The following GTF3C6 variants were observed in gnomAD, a reference collection of about 807,000 sequenced individuals.
The protein encoded by GTF3C6 is general transcription factor IIIC subunit 6, also known as general transcription factor 3C polypeptide 6.
Under a neutral mutation model 19.2 loss-of-function variants are expected in GTF3C6, and 11 were observed. The observed-to-expected ratio is 0.57, with a 90% CI of 0.36 to 0.95. GTF3C6 has a LOEUF of 0.95. Among genes scored for constraint, GTF3C6 ranks in the 40% least tolerant of loss-of-function variants. GTF3C6 has a pLI of 0.01. For synonymous variants in GTF3C6, 87 were observed against 84.2 expected, an observed-to-expected ratio of 1.03 and a Z score of -0.18; for missense variants, 222 against 254.7, an observed-to-expected ratio of 0.87 and a Z score of 0.87.
intron 4 of GTF3C6, 99 bp downstream of exon 4, chr6:110,960,715 T>A (rs1771149419): frequency 2.1e-6 from 2 of 963,366 alleles, no homozygotes; most frequent in Non-Finnish European, 3.3e-6. Context: ...CTGTATCATA[T>A]CCTATCATTT....
chr6:110,960,219 C>G (rs1446895164), intron 2 of GTF3C6, among the ~76,000 whole-genome samples, 195 bp from the exon 3 acceptor site: 1 of 152,152 alleles, frequency 6.6e-6, no homozygotes, highest in Non-Finnish European at 1.5e-5. Flanking sequence ...AACCTTGTTA[C>G]TTGAGTATGA....
At chr6:110,962,261 C>T (rs1317108946) in intron 4 of GTF3C6, 131 bp from the exon 5 acceptor site, 3 of 603,364 alleles carry the variant, frequency 5.0e-6, no homozygotes, top group Non-Finnish European at 9.1e-6. Context: ...ATGAGTTATA[C>T]CTTGAATTTA....
intron 5 of GTF3C6, 65 bp from the exon 6 acceptor site, chr6:110,967,441 TAAAG>T (rs931010866): frequency 6.2e-5 from 86 of 1,397,648 alleles, no homozygotes; most frequent in Non-Finnish European, 7.8e-5. Context: ...AAATTTAAAT[TAAAG>T]AAAAATATAC....
intron 5 of GTF3C6, among the ~76,000 whole-genome samples, chr6:110,964,101 G>T (rs1771197942): frequency 6.6e-6 from 1 of 151,918 alleles, no homozygotes; most frequent in Non-Finnish European, 1.5e-5. Flanking sequence ...TTGAGACAGG[G>T]TCTCACCCTG....
chr6:110,967,432 A>C (rs1771243299), intron 5 of GTF3C6, 78 bp from the exon 6 acceptor site: 1 of 1,308,988 alleles, frequency 7.6e-7, no homozygotes, highest in African/African-American at 1.5e-5. Flanking sequence ...ATAGGATAGA[A>C]ATTTAAATTA....
rs759536601 is a variant in GTF3C6, at chr6:110,959,154, C to A, written c.58-18C>A. ...GCCGCTCGCGTGCTAGCATGTTAAC[C>A]CCTCTTTCTTTCACCAGGAGCAGTT... is the stretch of plus-strand genomic sequence containing the variant. On this transcript the variant is annotated intron_variant, in intron 1 of 5. Coordinates refer to ENST00000329970, the MANE Select transcript of GTF3C6 (RefSeq NM_138408.4). 5 of 1,568,568 alleles carry A rather than the reference C, an allele frequency of 3.2e-6. No homozygotes were observed. In the Admixed American group the frequency reaches 8.4e-5, roughly 26 times the overall value.
intron 5 of GTF3C6, among the ~76,000 whole-genome samples, chr6:110,962,722 G>A (rs1771176442): frequency 6.6e-6 from 1 of 151,098 alleles, no homozygotes; most frequent in African/African-American, 2.4e-5. Context: ...CTTTCCCCAG[G>A]CTCCTGAGCA....
chr6:110,967,043 C>T (rs1222393251), intron 5 of GTF3C6, among the ~76,000 whole-genome samples: 1 of 151,988 alleles, frequency 6.6e-6, no homozygotes, highest in Admixed American at 6.6e-5. Context: ...ATCCCAGCTA[C>T]TCGGGGGGCT....
intron 1 of GTF3C6, 111 bp downstream of exon 1, chr6:110,958,937 C>T (rs866434745): frequency 8.9e-5 from 111 of 1,246,414 alleles, no homozygotes; most frequent in Middle Eastern, 6.7e-4. Flanking sequence ...CCCCACTGCT[C>T]CTCACCGGCT....
intron 1 of GTF3C6, 152 bp downstream of exon 1, chr6:110,958,978 C>T (rs1423591204): frequency 3.2e-6 from 3 of 941,824 alleles, no homozygotes; most frequent in Non-Finnish European, 4.9e-6. Flanking sequence ...AGCCGGGCAG[C>T]TTGGGACCTT....
At chr6:110,967,471 G>C (rs763301022) in intron 5 of GTF3C6, 39 bp from the exon 6 acceptor site, 1 of 1,533,594 alleles carries the variant, frequency 6.5e-7, no homozygotes, top group East Asian at 2.3e-5. Context: ...TTCATTTTTT[G>C]TTTCTTTTTT....
At chr6:110,964,023 G>A (rs576704154) in intron 5 of GTF3C6, among the ~76,000 whole-genome samples, 48 of 152,070 alleles carry the variant, frequency 3.2e-4, no homozygotes, top group African/African-American at 4.8e-4. Context: ...TTAAATGTGG[G>A]GGAGACTGTA....
At chr6:110,965,133 C>CTTT (rs57625165) in intron 5 of GTF3C6, among the ~76,000 whole-genome samples, 2 of 126,128 alleles carry the variant, frequency 1.6e-5, no homozygotes, top group Non-Finnish European at 1.6e-5. Context: ...CGCACCCAAC[C>CTTT]TTTTTTTTTT....
At chr6:110,959,354 A>G in intron 2 of GTF3C6, 102 bp downstream of exon 2, 1 of 740,570 alleles carries the variant, frequency 1.4e-6, no homozygotes, top group East Asian at 2.5e-5. Context: ...TATTTATTTC[A>G]CCTTACAAAG....
intron 5 of GTF3C6, among the ~76,000 whole-genome samples, chr6:110,965,564 A>G (rs1771219803): frequency 6.6e-6 from 1 of 152,164 alleles, no homozygotes; most frequent in African/African-American, 2.4e-5. Flanking sequence ...TCCCTGAACT[A>G]TCCCCTTTTT....
intron 4 of GTF3C6, among the ~76,000 whole-genome samples, chr6:110,962,039 A>G (rs190330828): frequency 2.4e-4 from 37 of 152,094 alleles, no homozygotes; most frequent in African/African-American, 8.9e-4. Flanking sequence ...AGTAGCTGGG[A>G]TTACAGGCGT....
At chr6:110,960,382 T>C (rs199578949) in intron 2 of GTF3C6, 32 bp from the exon 3 acceptor site, 1 of 885,318 alleles carries the variant, frequency 1.1e-6, no homozygotes, top group Non-Finnish European at 1.4e-6. Flanking sequence ...TCTAATTATG[T>C]TTTTTTTTTA....
At chr6:110,966,005 A>G (rs1193584391) in intron 5 of GTF3C6, among the ~76,000 whole-genome samples, 2 of 152,222 alleles carry the variant, frequency 1.3e-5, no homozygotes, top group Admixed American at 6.5e-5. Flanking sequence ...TGGCTTATTC[A>G]TATGGCTTGT....
In GTF3C6 at chr6:110,965,133, CTT is replaced by C. The variant is rs57625165; in HGVS notation, c.362-2356_362-2355del. ...ACAGGTGTGCACCACCGCACCCAAC[CTT>C]TTTTTTTTTTTTTTTTTTTTAAATA... On this transcript the variant is annotated intron_variant, in intron 5 of 5. Coordinates refer to ENST00000329970, the MANE Select transcript of GTF3C6 (RefSeq NM_138408.4). Among the ~76,000 whole-genome samples, 623 of 126,088 alleles carry C rather than the reference CTT, an allele frequency of 4.9e-3. 8 individuals are homozygous for C. Among genetic ancestry groups the C allele is most frequent in the African/African-American group, 0.017 (563 of 32,876 alleles). 82.7% of individuals were successfully genotyped at this position (126,088 alleles called of 152,430 possible).
Sources: allele counts gnomAD v4.1 joint callset (sites outside exome capture counted in the v4.1 genomes callset), GRCh38; gene constraint gnomAD v4.1.1; transcripts MANE v1.5; gene names NCBI Gene and HGNC (gene_info 2026-07-23, HGNC 2026-07-21).